The following FRMD4A variants were observed in gnomAD, a reference collection of about 807,000 sequenced individuals.
FRMD4A encodes FERM domain-containing protein 4A.
A neutral mutation model predicts 129.1 loss-of-function variants in FRMD4A; 29 were observed. The ratio of observed to expected loss-of-function variants is 0.22; its 90% CI spans 0.17 to 0.31. The LOEUF (loss-of-function observed/expected upper bound fraction) is 0.31, where lower values mean the gene tolerates loss of function less well. Among genes scored for constraint, FRMD4A ranks in the 10% least tolerant of loss-of-function variants. The pLI, the probability that FRMD4A is intolerant of heterozygous loss-of-function variation, is 1.00. For synonymous variants in FRMD4A, 634 were observed against 571.6 expected (o/e 1.11, Z -1.56); for missense variants, 1,272 against 1,375.8 (o/e 0.92, Z 1.19).
intron 2 of FRMD4A, among the ~76,000 whole-genome samples, chr10:13,863,427 C>A (rs1370415477): frequency 3.4e-5 from 5 of 147,296 alleles, no homozygotes; most frequent in African/African-American, 2.5e-5. Context: ...ACTAAAAATA[C>A]AAAAAAAAAA....
intron 2 of FRMD4A, among the ~76,000 whole-genome samples, chr10:14,057,699 T>G (rs1834606635): frequency 6.6e-6 from 1 of 152,080 alleles, no homozygotes; most frequent in Admixed American, 6.6e-5. Context: ...GCCTCCCAAG[T>G]AGCTGGGATT....
intron 2 of FRMD4A, among the ~76,000 whole-genome samples, chr10:14,017,643 T>C (rs2095703349): frequency 6.6e-6 from 1 of 152,212 alleles, no homozygotes; most frequent in Admixed American, 6.5e-5. Flanking sequence ...TAGTTCATCT[T>C]GGTTCAAGTA....
rs556046176 is a variant in FRMD4A at position 13,967,301 on chromosome 10, C to T, written c.46-108389G>A. On this transcript the variant is annotated intron_variant, in intron 2 of 24. Coordinates refer to ENST00000357447, the MANE Select transcript of FRMD4A (RefSeq NM_018027.5). ...GCGGTGAGCTGAGATCGCGCCACTG[C>T]ACTCCAGCCTGGGCGACAGAGCGAG... 1.2e-3 allele frequency among the ~76,000 whole-genome samples: 190 copies of T among 152,106 alleles called. 3 individuals carry two copies. The highest frequency in any genetic ancestry group is 4.2e-3 in the African/African-American group (175 of 41,482).
intron 2 of FRMD4A, among the ~76,000 whole-genome samples, chr10:14,095,276 C>T (rs1291054440): frequency 6.6e-6 from 1 of 152,170 alleles, no homozygotes; most frequent in Non-Finnish European, 1.5e-5. Context: ...GTAAATGTTT[C>T]TCTCCCCAGG....
chr10:14,030,849 G>A (rs1183935782), intron 2 of FRMD4A, among the ~76,000 whole-genome samples: 1 of 152,104 alleles, frequency 6.6e-6, no homozygotes, highest in African/African-American at 2.4e-5. Flanking sequence ...CATTTTGACA[G>A]CCTCTCCAAT....
chr10:14,014,325 A>G (rs2095691395), intron 2 of FRMD4A, among the ~76,000 whole-genome samples: 1 of 152,258 alleles, frequency 6.6e-6, no homozygotes, highest in African/African-American at 2.4e-5. Flanking sequence ...CTATGCATGT[A>G]ACAAAATATC....
At chr10:13,833,307 C>G (rs7914653) in intron 3 of FRMD4A, among the ~76,000 whole-genome samples, 21,986 of 152,174 alleles carry the variant, frequency 0.14, 1,831 homozygotes, top group South Asian at 0.28. Flanking sequence ...AGAGCTTGTG[C>G]AGGGGAACTC....
At chr10:14,169,790 G>A (rs958213105) in intron 2 of FRMD4A, among the ~76,000 whole-genome samples, 1 of 152,074 alleles carries the variant, frequency 6.6e-6, no homozygotes, top group Non-Finnish European at 1.5e-5. Flanking sequence ...TCTTATTCAA[G>A]TCTCCATTAA....
intron 2 of FRMD4A, among the ~76,000 whole-genome samples, chr10:14,085,701 G>T (rs2614150): frequency 0.39 from 59,930 of 152,082 alleles, 12,294 homozygotes; most frequent in East Asian, 0.63. Context: ...CTTCATTTGC[G>T]CTCGCTGTCC....
chr10:13,650,980 G>A (rs535290666), intron 24 of FRMD4A: 2 of 152,304 alleles, frequency 1.3e-5, no homozygotes, highest in South Asian at 4.1e-4. Context: ...AAGTGTAGCA[G>A]TTTCTCATGC....
At chr10:13,871,779 A>G (rs2094441324) in intron 2 of FRMD4A, among the ~76,000 whole-genome samples, 1 of 152,224 alleles carries the variant, frequency 6.6e-6, no homozygotes, top group Non-Finnish European at 1.5e-5. Context: ...AAGCGTGGGA[A>G]GGAGGCTCCA....
chr10:13,884,216 ACACACACACACACACACACACACACTC>A (rs2094590865), intron 2 of FRMD4A, among the ~76,000 whole-genome samples: 1 of 125,644 alleles, frequency 8.0e-6, no homozygotes, highest in Non-Finnish European at 1.8e-5. Context: ...ACTCACACAC[ACACACACACACACACACACACACACTC>A]CCTAAAAGGC....
chr10:13,784,714 C>T (rs117024159), intron 5 of FRMD4A, among the ~76,000 whole-genome samples: 3,156 of 152,192 alleles, frequency 0.021, 54 homozygotes, highest in Middle Eastern at 0.051. Context: ...ATTGGCCAGG[C>T]GCGGTGGCTC....
At chr10:13,746,646 T>G (rs2091306104) in intron 9 of FRMD4A, among the ~76,000 whole-genome samples, 1 of 152,214 alleles carries the variant, frequency 6.6e-6, no homozygotes, top group Admixed American at 6.5e-5. Flanking sequence ...CAAAAGCACT[T>G]ACACAAGTCA....
intron 12 of FRMD4A, 81 bp from the exon 13 acceptor site, chr10:13,707,194 G>T: frequency 4.3e-6 from 4 of 927,722 alleles, no homozygotes; most frequent in Non-Finnish European, 5.2e-6. Context: ...GTTAACTTTC[G>T]ACAGCTGGCA....
At chr10:14,297,633 G>A (rs1301110268) in intron 2 of FRMD4A, among the ~76,000 whole-genome samples, 1 of 152,158 alleles carries the variant, frequency 6.6e-6, no homozygotes, top group Non-Finnish European at 1.5e-5. Context: ...TCAAATTCCT[G>A]CATGTGTTTA....
intron 2 of FRMD4A, among the ~76,000 whole-genome samples, chr10:14,161,900 A>G (rs1840905729): frequency 6.6e-6 from 1 of 152,208 alleles, no homozygotes; most frequent in South Asian, 2.1e-4. Context: ...GTATCAAAAT[A>G]TCACATGTAT....
chr10:14,174,374 T>C (rs1481613173), intron 2 of FRMD4A, among the ~76,000 whole-genome samples: 1 of 152,192 alleles, frequency 6.6e-6, no homozygotes, highest in Non-Finnish European at 1.5e-5. Flanking sequence ...AAATGATCTC[T>C]GTCTTAGGTA....
intron 2 of FRMD4A, among the ~76,000 whole-genome samples, chr10:13,867,005 T>C (rs1322602432): frequency 6.6e-6 from 1 of 152,192 alleles, no homozygotes; most frequent in African/African-American, 2.4e-5. Flanking sequence ...GTTACTACAG[T>C]GGAGTCAGTT....
Sources: allele counts gnomAD v4.1 joint callset (sites outside exome capture counted in the v4.1 genomes callset), GRCh38; gene constraint gnomAD v4.1.1; transcripts MANE v1.5; gene names NCBI Gene and HGNC (gene_info 2026-07-23, HGNC 2026-07-21).